Variants in DBF4B observed in about 807,000 individuals in gnomAD.
DBF4B encodes DBF4B-CDC7 kinase regulatory subunit.
Under a neutral mutation model 53.4 loss-of-function variants are expected in DBF4B, and 49 were observed. That is an observed-to-expected ratio of 0.92 (90% CI 0.73 to 1.16). The LOEUF (loss-of-function observed/expected upper bound fraction) is 1.16, where lower values mean the gene tolerates loss of function less well. DBF4B is among the 50% of genes most tolerant of loss of function. The pLI, the probability that DBF4B is intolerant of heterozygous loss-of-function variation, is 0.00. For synonymous variants in DBF4B, 257 were observed against 288.7 expected, an observed-to-expected ratio of 0.89 and a Z score of 1.11; for missense variants, 692 against 775.0, an observed-to-expected ratio of 0.89 and a Z score of 1.27.
intron 6 of DBF4B, chr17:44,733,883 C>T: frequency 1.7e-6 from 1 of 577,258 alleles, no homozygotes; most frequent in Non-Finnish European, 3.1e-6. Flanking sequence ...GACACCCGCT[C>T]AGGTGCTGTT....
At chr17:44,740,668 G>A (rs956179717) in intron 9 of DBF4B, among the ~76,000 whole-genome samples, 2 of 152,232 alleles carry the variant, frequency 1.3e-5, no homozygotes, top group African/African-American at 4.8e-5. Flanking sequence ...GTGGGGAAAA[G>A]TAGATCAGGA....
At chr17:44,713,086 C>T (rs1359492103) in intron 2 of DBF4B, among the ~76,000 whole-genome samples, 3 of 135,538 alleles carry the variant, frequency 2.2e-5, no homozygotes, top group Non-Finnish European at 4.6e-5. Flanking sequence ...GTCGCCCAGG[C>T]TGGAGTGCAG....
Position 44,749,975 on chromosome 17 carries a change from C to G in DBF4B, c.1190-620C>G. The G allele has an allele frequency of 9.9e-7, 1 of 1,006,358 alleles. No individual in the cohort carries two copies. Among genetic ancestry groups the G allele is most frequent in the Non-Finnish European group, 1.2e-6 (1 of 841,948 alleles). The allele number at this position is 1,006,358 out of a possible 1,614,324, so 62.3% of individuals were successfully genotyped here. ...TGCACCACTCACAGAGCTCCCTCCC[C>G]CAGGCACTTAGTTGGGGCCCAGCAC... On this transcript the variant is annotated intron_variant, in intron 13 of 13. Coordinates refer to ENST00000315005, the MANE Select transcript of DBF4B (RefSeq NM_145663.3). The surrounding 1 kb of genome is among the most constrained non-coding windows in gnomAD (Gnocchi z 4.4).
intron 12 of DBF4B, among the ~76,000 whole-genome samples, chr17:44,748,053 C>T (rs2049154019): frequency 6.6e-6 from 1 of 152,226 alleles, no homozygotes; most frequent in African/African-American, 2.4e-5. Flanking sequence ...CTTTCTTCAG[C>T]TGCCAAAGGG....
chr17:44,752,044 C>T lies in DBF4B; in HGVS notation c.*791C>T. ...GGTCCCCAGGCCTTTGTTCTTGCCT[C>T]TTCTCGCTGAGCCTTTCACTTCTCG... On this transcript the variant is annotated 3_prime_UTR_variant, in exon 14 of 14. Coordinates refer to ENST00000315005, the MANE Select transcript of DBF4B (RefSeq NM_145663.3). 6.8e-7 allele frequency: 1 copy of T among 1,473,422 alleles called. No individual in the cohort carries two copies. The highest frequency in any genetic ancestry group is 2.0e-5 in the Admixed American group (1 of 50,898). 91.3% of individuals were successfully genotyped at this position (1,473,422 alleles called of 1,614,324 possible). A position where few individuals can be genotyped will look rare whatever the true frequency, so the allele number is the denominator to read the frequency against.
intron 13 of DBF4B, chr17:44,748,854 G>A (rs1190426933): frequency 7.7e-7 from 1 of 1,291,508 alleles, no homozygotes; most frequent in Admixed American, 2.3e-5. Flanking sequence ...CAGGCCATGA[G>A]TCCAGGCTCC....
intron 2 of DBF4B, among the ~76,000 whole-genome samples, chr17:44,718,166 T>G (rs1477941477): frequency 6.6e-6 from 1 of 152,170 alleles, no homozygotes; most frequent in Non-Finnish European, 1.5e-5. Flanking sequence ...GCACGATGGC[T>G]CATGCCTGTA....
intron 3 of DBF4B, among the ~76,000 whole-genome samples, chr17:44,729,692 A>G (rs899492717): frequency 1.1e-5 from 1 of 91,264 alleles, no homozygotes; most frequent in Non-Finnish European, 2.6e-5. Flanking sequence ...ATACACACAC[A>G]CACACACACA....
chr17:44,737,352 A>T (rs1443228351), intron 8 of DBF4B, among the ~76,000 whole-genome samples: 1 of 152,136 alleles, frequency 6.6e-6, no homozygotes, highest in African/African-American at 2.4e-5. Flanking sequence ...TTTCAGTGGC[A>T]TTTATTCATG....
In DBF4B at chr17:44,749,800, G is replaced by A; in HGVS notation, c.1190-795G>A. On this transcript the variant is annotated intron_variant, in intron 13 of 13. Coordinates refer to ENST00000315005, the MANE Select transcript of DBF4B (RefSeq NM_145663.3). The surrounding 1 kb of genome is among the most constrained non-coding windows in gnomAD (Gnocchi z 4.4). The stretch of plus-strand genomic sequence containing the variant: ...CTGCAGAGCCGCGGGTTAGCTGTTG[G>A]TGTGCTCCACCCCCAACCCCGGCCT... The A allele has an allele frequency of 3.8e-6, 4 of 1,055,524 alleles. No homozygotes were observed. The highest frequency in any genetic ancestry group is 4.6e-6 in the Non-Finnish European group (4 of 871,166). 65.4% of individuals were successfully genotyped at this position (1,055,524 alleles called of 1,614,324 possible).
chr17:44,716,276 C>G (rs1206528122), intron 2 of DBF4B, among the ~76,000 whole-genome samples: 1 of 152,004 alleles, frequency 6.6e-6, no homozygotes, highest in Non-Finnish European at 1.5e-5. Context: ...CCTCAGTTGT[C>G]ACTAGTTTGT....
intron 8 of DBF4B, among the ~76,000 whole-genome samples, chr17:44,737,658 T>C (rs1323962342): frequency 6.6e-6 from 1 of 152,162 alleles, no homozygotes; most frequent in African/African-American, 2.4e-5. Flanking sequence ...TCGACAGGAC[T>C]CCTGGTCACT....
In DBF4B at chr17:44,750,586, G is replaced by T. The variant is rs774300820; in HGVS notation, c.1190-9G>T. ...AATGCCATATGTCGGTCCTTGATCT[G>T]CCCTCCAGTGACCCAAGGCAGGGCT... On this transcript the variant is annotated splice_polypyrimidine_tract_variant and intron_variant, in intron 13 of 13. Transcript: ENST00000315005. 2.5e-6 allele frequency: 4 copies of T among 1,601,178 alleles called. No homozygotes were observed. The highest frequency in any genetic ancestry group is 2.6e-6 in the Non-Finnish European group (3 of 1,171,472).
Position 44,748,344 on chromosome 17 carries a change from G to A in DBF4B, c.1068G>A (p.Trp356Ter). The change falls in exon 13 of 14, where the codon TGG (tryptophan) becomes TGA (stop). Residue 356 changes from tryptophan (W) to a stop codon, truncating the protein, a stop_gained. Coordinates refer to ENST00000315005, the MANE Select transcript of DBF4B (RefSeq NM_145663.3). LOFTEE classifies it high-confidence loss of function. ...CACAGTGTTTCTGTCCCAACAGGTG[G>A]TCAGGTTCCCCAGCTTCTGATTGTG... ...DIPFQAGLPR[W>*]SGSPASDCDP... 6.3e-7 allele frequency: 1 copy of A among 1,595,092 alleles called. No individual in the cohort carries two copies. Among genetic ancestry groups the A allele is most frequent in the Non-Finnish European group, 8.5e-7 (1 of 1,170,434 alleles).
Position 44,751,579 on chromosome 17 carries a change from C to T in DBF4B, c.*326C>T. On this transcript the variant is annotated 3_prime_UTR_variant, in exon 14 of 14. Coordinates refer to ENST00000315005, the MANE Select transcript of DBF4B (RefSeq NM_145663.3). ...TCAGACTTGCCACCTTTCCCCTCTG[C>T]CCCAAAATGCCATGCTCCTCTCCTG... 1 of 1,338,426 alleles carries T rather than the reference C, an allele frequency of 7.5e-7. No individual in the cohort carries two copies. 82.9% of individuals were successfully genotyped at this position (1,338,426 alleles called of 1,614,324 possible).
chr17:44,748,467 T>C lies in DBF4B; in HGVS notation c.1189+2T>C. ...AAGAAGACAGCTGCCAGGCATCAGG[T>C]ATCCCAGAGCAGGATGGGACAGTGG... On this transcript the variant is annotated splice_donor_variant, in intron 13 of 13. Transcript: ENST00000315005. LOFTEE classifies it high-confidence loss of function. 2 of 1,613,900 alleles carry C rather than the reference T, an allele frequency of 1.2e-6. No homozygotes were observed. Among genetic ancestry groups the C allele is most frequent in the Non-Finnish European group, 1.7e-6 (2 of 1,179,878 alleles).
rs1235156725 is a variant in DBF4B, at chr17:44,749,198, C to T, written c.1189+733C>T. 2 of 1,289,970 alleles carry T rather than the reference C, an allele frequency of 1.6e-6. No individual in the cohort carries two copies. The highest frequency in any genetic ancestry group is 2.0e-6 in the Non-Finnish European group (2 of 988,868). The allele number at this position is 1,289,970 out of a possible 1,614,324, so 79.9% of individuals were successfully genotyped here. ...CCAGCCAGTGCGGGAGCCAGCTGTT[C>T]CCGATGCCTCTGGGCCCCCCAGCCT... On this transcript the variant is annotated intron_variant, in intron 13 of 13. Transcript: ENST00000315005. The surrounding 1 kb of genome is among the most constrained non-coding windows in gnomAD (Gnocchi z 4.4).
intron 12 of DBF4B, 48 bp downstream of exon 12, chr17:44,747,563 T>C: frequency 1.2e-6 from 2 of 1,606,016 alleles, no homozygotes; most frequent in Admixed American, 3.4e-5. Context: ...TCTCCTCTGT[T>C]GCCCTCTGGG....
chr17:44,709,417 C>T, intron 2 of DBF4B, 51 bp downstream of exon 2: 1 of 1,602,026 alleles, frequency 6.2e-7, no homozygotes, highest in Non-Finnish European at 8.5e-7. Flanking sequence ...GCCCCAGGGT[C>T]TCTTGGAGAA....
Sources: gnomAD v4.1 joint callset for allele counts (sites outside exome capture counted in the v4.1 genomes callset) on GRCh38, gnomAD v4.1.1 for gene constraint, Gnocchi (gnomAD v3.1) non-coding constraint, MANE v1.5 for transcripts, NCBI Gene and HGNC (gene_info 2026-07-23, HGNC 2026-07-21) for gene names.